ZBTB17: variants seen among roughly 807,000 people sequenced by gnomAD.
ZBTB17 encodes zinc finger and BTB domain-containing protein 17.
In ZBTB17, 24 loss-of-function variants were observed where a neutral mutation model predicts 85.1. The ratio of observed to expected loss-of-function variants is 0.28; its 90% CI spans 0.20 to 0.40. The LOEUF is 0.40. Among genes scored for constraint, ZBTB17 ranks in the 10% least tolerant of loss-of-function variants. ZBTB17 has a pLI of 1.00. For synonymous variants in ZBTB17, 464 were observed against 460.2 expected, an observed-to-expected ratio of 1.01 and a Z score of -0.11; for missense variants, 743 against 1,105.1, an observed-to-expected ratio of 0.67 and a Z score of 4.65.
intron 1 of ZBTB17, among the ~76,000 whole-genome samples, chr1:15,975,565 G>T (rs2072839411): frequency 6.6e-6 from 1 of 152,220 alleles, no homozygotes; most frequent in Non-Finnish European, 1.5e-5. Context: ...GGCCCGGGCA[G>T]CCCCGCTCCC....
chr1:15,956,564 G>A (rs1320290617), intron 2 of ZBTB17, among the ~76,000 whole-genome samples: 1 of 152,222 alleles, frequency 6.6e-6, no homozygotes, highest in Non-Finnish European at 1.5e-5. Context: ...ACAATTCTAT[G>A]TACATGGATG....
At chr1:15,971,157 C>G (rs1396682171) in intron 2 of ZBTB17, among the ~76,000 whole-genome samples, 1 of 151,856 alleles carries the variant, frequency 6.6e-6, no homozygotes, top group African/African-American at 2.4e-5. Context: ...GCCTTTGGCA[C>G]CATTACTGCA....
At chr1:15,946,510 G>A (rs943830781) in intron 4 of ZBTB17, among the ~76,000 whole-genome samples, 11 of 152,240 alleles carry the variant, frequency 7.2e-5, no homozygotes, top group African/African-American at 2.7e-4. Flanking sequence ...GATGGTTCCT[G>A]CTTGTGTGGG....
At chr1:15,971,075 A>T (rs2072632454) in intron 2 of ZBTB17, among the ~76,000 whole-genome samples, 1 of 152,152 alleles carries the variant, frequency 6.6e-6, no homozygotes, top group African/African-American at 2.4e-5. Flanking sequence ...AGAGGGATGC[A>T]AGAGAAGTTC....
In ZBTB17 at chr1:15,944,954, C is replaced by T. The variant is rs373213170; in HGVS notation, c.910G>A (p.Val304Ile). The T allele has an allele frequency of 8.9e-6, 14 of 1,578,206 alleles. No homozygotes were observed. Among genetic ancestry groups the T allele is most frequent in the East Asian group, 2.3e-5 (1 of 43,202 alleles). ...DRTESKAYGS[V>I]IHKCEDCGKE... ...TCCCTCACCTCGCACTTGTGGATGA[C>T]GGAGCCGTAGGCCTTGGACTCCGTG... Residue 304 changes from valine (V) to isoleucine (I), a missense_variant, in exon 7 of 16, where the codon GTC becomes ATC. Physicochemically the swap from Val to Ile is conservative, Grantham distance 29. Transcript: ENST00000375743.
intron 4 of ZBTB17, among the ~76,000 whole-genome samples, 175 bp downstream of exon 4, chr1:15,946,760 G>A (rs1002312535): frequency 6.6e-6 from 1 of 152,258 alleles, no homozygotes; most frequent in Non-Finnish European, 1.5e-5. Flanking sequence ...CGGGTGCTCT[G>A]TAGGGGAAAG....
intron 2 of ZBTB17, among the ~76,000 whole-genome samples, chr1:15,956,083 G>A (rs562816994): frequency 2.0e-5 from 3 of 152,264 alleles, no homozygotes; most frequent in African/African-American, 7.2e-5. Flanking sequence ...CTCAACACAG[G>A]GTAAATTAAG....
chr1:15,960,079 C>T, intron 2 of ZBTB17, among the ~76,000 whole-genome samples: 1 of 152,244 alleles, frequency 6.6e-6, no homozygotes, highest in Non-Finnish European at 1.5e-5. Flanking sequence ...ACTGCGACGA[C>T]ACTGAAGTCC....
rs571450807 is a variant in ZBTB17, at chr1:15,964,844, G to A, written c.-3+8195C>T. On this transcript the variant is annotated intron_variant, in intron 2 of 15. Coordinates refer to ENST00000375743, the MANE Select transcript of ZBTB17 (RefSeq NM_003443.3). This position sits in a 1 kb window ranked among gnomAD's most constrained non-coding sequence, Gnocchi z 4.3. The stretch of plus-strand genomic sequence containing the variant: ...TTTAAACAGAGAACAGGCCGGGCAC[G>A]GTGGCTCACGCCTATAATCCCAGCA... Among the ~76,000 whole-genome samples, 23 of 152,268 alleles carry A rather than the reference G, an allele frequency of 1.5e-4. No individual in the cohort carries two copies. Among genetic ancestry groups the A allele is most frequent in the Middle Eastern group, 3.4e-3 (1 of 294 alleles).
chr1:15,969,166 G>A (rs768344492), intron 2 of ZBTB17, among the ~76,000 whole-genome samples: 8 of 152,188 alleles, frequency 5.3e-5, no homozygotes, highest in Non-Finnish European at 1.0e-4. Flanking sequence ...AAGGATCTAG[G>A]TTGTGAGCTT....
At chr1:15,957,070 C>T (rs1300334401) in intron 2 of ZBTB17, among the ~76,000 whole-genome samples, 1 of 151,540 alleles carries the variant, frequency 6.6e-6, no homozygotes, top group East Asian at 1.9e-4. Flanking sequence ...ATCCCAGCTA[C>T]TCAAGAGGCT....
chr1:15,942,776 G>A, intron 13 of ZBTB17, 38 bp from the exon 14 acceptor site: 2 of 1,605,490 alleles, frequency 1.2e-6, no homozygotes, highest in Admixed American at 1.7e-5. Context: ...TTGTGGGAAG[G>A]GGCCGCAGGG....
At chr1:15,959,860 T>G (rs1329580540) in intron 2 of ZBTB17, among the ~76,000 whole-genome samples, 1 of 152,142 alleles carries the variant, frequency 6.6e-6, no homozygotes, top group African/African-American at 2.4e-5. Context: ...CTATCTATCA[T>G]AAAATCTTTA....
chr1:15,970,002 G>A, intron 2 of ZBTB17: 1 of 844,614 alleles, frequency 1.2e-6, no homozygotes. Flanking sequence ...TATGTTCGAT[G>A]GATAGCATTC....
At position 15,945,152 on chromosome 1, in the gene ZBTB17, C is replaced by CTTGCTCCTT. The variant is rs756589533; in HGVS notation, c.703_711dup (p.Lys235_Gln237dup). The CTTGCTCCTT allele has an allele frequency of 1.3e-5, 20 of 1,584,898 alleles. No homozygotes were observed. Among genetic ancestry groups the CTTGCTCCTT allele is most frequent in the African/African-American group, 5.4e-5 (4 of 74,382 alleles). ...CCTGCGCCCTCCTCCTCTTGCTCCT[C>CTTGCTCCTT]TTGCTCCTTTTGCTCCTCTTCCCCT... On this transcript the variant is annotated inframe_insertion, in exon 7 of 16. Coordinates refer to ENST00000375743, the MANE Select transcript of ZBTB17 (RefSeq NM_003443.3).
rs2071871228 is a variant in ZBTB17 at position 15,951,970 on chromosome 1, C to T, written c.-2-3473G>A. ...AATACTGTTCCCACCAGGCAGCCTGCCCCACCCCACCCTTGGAATACGGTG... is the reference window on the plus strand; with the variant it reads ...AATACTGTTCCCACCAGGCAGCCTGTCCCACCCCACCCTTGGAATACGGTG... On this transcript the variant is annotated intron_variant, in intron 2 of 15. Coordinates refer to ENST00000375743, the MANE Select transcript of ZBTB17 (RefSeq NM_003443.3). This position sits in a 1 kb window ranked among gnomAD's most constrained non-coding sequence, Gnocchi z 4.1. 3.9e-5 allele frequency among the ~76,000 whole-genome samples: 6 copies of T among 152,152 alleles called. No homozygotes were observed. The South Asian group carries it at 1.2e-3, about 32-fold the overall frequency.
In ZBTB17 at chr1:15,942,691, C is replaced by T. The variant is rs1348880726; in HGVS notation, c.1876G>A (p.Val626Ile). The change falls in exon 14 of 16, where the codon GTA becomes ATA. Residue 626 changes from valine to isoleucine, a missense_variant. Around this residue, in one of 4 missense-constraint regions of ZBTB17, gnomAD observed 321 missense variants for 615.7 expected, o/e 0.52. Transcript: ENST00000375743. Reference protein sequence around the residue: ...CDKCGRGFNRVDNLRSHVKTV... With the variant: ...CDKCGRGFNRIDNLRSHVKTV... Reference sequence around the variant, plus strand: ...TTCACGTGGGAGCGCAGGTTGTCTACCCGGTTGAAGCCACGCCCACACTTA... The same window carrying T: ...TTCACGTGGGAGCGCAGGTTGTCTATCCGGTTGAAGCCACGCCCACACTTA... The T allele has an allele frequency of 6.2e-7, 1 of 1,613,672 alleles. No homozygotes were observed. The highest frequency in any genetic ancestry group is 1.7e-5 in the Admixed American group (1 of 60,036).
chr1:15,974,412 TG>T (rs1354649337), intron 1 of ZBTB17, among the ~76,000 whole-genome samples: 2 of 150,620 alleles, frequency 1.3e-5, no homozygotes, highest in Non-Finnish European at 3.0e-5. Context: ...TGGGCTCAAA[TG>T]ATCATCCCAC....
At chr1:15,961,306 T>A (rs1463960489) in intron 2 of ZBTB17, among the ~76,000 whole-genome samples, 1 of 152,226 alleles carries the variant, frequency 6.6e-6, no homozygotes, top group Non-Finnish European at 1.5e-5. Context: ...ACTATGAACA[T>A]TAACTGTATA....
Sources: allele counts gnomAD v4.1 joint callset (sites outside exome capture counted in the v4.1 genomes callset), GRCh38; gene constraint gnomAD v4.1.1; regional missense constraint gnomAD v4.1.1; non-coding constraint Gnocchi (gnomAD v3.1); transcripts MANE v1.5; gene names NCBI Gene and HGNC (gene_info 2026-07-23, HGNC 2026-07-21).